LMO7: variants seen among roughly 807,000 people sequenced by gnomAD.
LMO7 encodes the protein LIM domain 7, also known as LIM domain only protein 7.
LMO7 carries 120 observed loss-of-function variants against 206.5 expected under a neutral mutation model. The observed-to-expected ratio is 0.58, with a 90% CI of 0.50 to 0.68. The LOEUF (loss-of-function observed/expected upper bound fraction) is 0.68. Ranked by LOEUF, LMO7 falls within the 30% of genes least tolerant of loss-of-function variation. The pLI is 0.00. For synonymous variants in LMO7, 706 were observed against 681.5 expected, an observed-to-expected ratio of 1.04 and a Z score of -0.56; for missense variants, 1,959 against 1,957.9, an observed-to-expected ratio of 1.00 and a Z score of -0.01.
At chr13:75,671,077 A>G (rs531388197) in intron 1 of LMO7, among the ~76,000 whole-genome samples, 17 of 149,118 alleles carry the variant, frequency 1.1e-4, no homozygotes, top group African/African-American at 3.7e-4. Context: ...ACTGTCTTCT[A>G]CCTCCACGTC....
intron 15 of LMO7, 82 bp downstream of exon 15, chr13:75,823,955 C>A: frequency 1.8e-6 from 2 of 1,129,618 alleles, no homozygotes; most frequent in South Asian, 1.4e-5. Context: ...AAATGTCAAA[C>A]CTCTAGGTGT....
intron 1 of LMO7, among the ~76,000 whole-genome samples, chr13:75,683,130 G>C (rs9544022): frequency 0.41 from 61,703 of 150,302 alleles, 13,851 homozygotes; most frequent in Middle Eastern, 0.51. Context: ...GTGATTTCAG[G>C]TCATTGCAAC....
At chr13:75,800,560 C>A (rs541484289) in intron 6 of LMO7, 124 bp from the exon 7 acceptor site, 4 of 802,946 alleles carry the variant, frequency 5.0e-6, no homozygotes, top group African/African-American at 1.7e-5. Flanking sequence ...GACAGAGAAA[C>A]CTCATGCCTT....
chr13:75,797,910 C>T (rs1391044300), intron 6 of LMO7, among the ~76,000 whole-genome samples: 1 of 151,530 alleles, frequency 6.6e-6, no homozygotes, highest in Non-Finnish European at 1.5e-5. Flanking sequence ...GGAAAACACT[C>T]ATGAGAGACT....
intron 3 of LMO7, chr13:75,760,503 C>A (rs2048070911): frequency 1.6e-6 from 2 of 1,286,486 alleles, no homozygotes; most frequent in Non-Finnish European, 2.0e-6. Flanking sequence ...TTCTTCCCTG[C>A]CAACAGTTTC....
intron 18 of LMO7, among the ~76,000 whole-genome samples, chr13:75,836,012 A>G (rs2059085469): frequency 6.6e-6 from 1 of 152,190 alleles, no homozygotes; most frequent in Non-Finnish European, 1.5e-5. Flanking sequence ...ATCTCAAGGT[A>G]TAACTCTTTT....
intron 14 of LMO7, among the ~76,000 whole-genome samples, chr13:75,823,275 C>A (rs1373247571): frequency 2.0e-5 from 3 of 152,084 alleles, no homozygotes; most frequent in African/African-American, 7.2e-5. Context: ...TCATTTTACG[C>A]CAGTTTAGAT....
intron 2 of LMO7, among the ~76,000 whole-genome samples, chr13:75,630,025 A>T (rs1204905269): frequency 2.0e-5 from 3 of 152,198 alleles, no homozygotes; most frequent in African/African-American, 7.2e-5. Flanking sequence ...ACAGATTCTC[A>T]AGTCCCTCAT....
chr13:75,744,442 A>G (rs184835141), intron 3 of LMO7, among the ~76,000 whole-genome samples: 1 of 152,338 alleles, frequency 6.6e-6, no homozygotes, highest in East Asian at 1.9e-4. Flanking sequence ...AATGAGTTAG[A>G]ATTACTAAAG....
chr13:75,858,034 T>A lies in LMO7; in HGVS notation c.*91T>A. 2.0e-6 allele frequency: 3 copies of A among 1,504,788 alleles called. No homozygotes were observed. Among genetic ancestry groups the A allele is most frequent in the Admixed American group, 4.2e-5 (2 of 47,746 alleles). 93.2% of individuals were successfully genotyped at this position (1,504,788 alleles called of 1,614,324 possible). ...TATAAATATGTGTTGTATGTCTTTT[T>A]TGCTTTTTTTTTAAAAAAAAGAATA... On this transcript the variant is annotated 3_prime_UTR_variant, in exon 31 of 31. Coordinates refer to ENST00000377534, the MANE Select transcript of LMO7 (RefSeq NM_001306080.2).
chr13:75,722,669 C>T (rs1279303185), intron 2 of LMO7, among the ~76,000 whole-genome samples: 1 of 152,002 alleles, frequency 6.6e-6, no homozygotes, highest in Non-Finnish European at 1.5e-5. Context: ...TACTAGGTAT[C>T]TACCAGAGGA....
intron 1 of LMO7, among the ~76,000 whole-genome samples, chr13:75,699,370 T>G (rs1311536477): frequency 2.0e-5 from 3 of 151,806 alleles, no homozygotes; most frequent in African/African-American, 7.3e-5. Flanking sequence ...AGCATGAATT[T>G]CTTTCTCTTT....
chr13:75,624,883 AC>A (rs1271359627), intron 2 of LMO7, among the ~76,000 whole-genome samples: 3 of 151,800 alleles, frequency 2.0e-5, no homozygotes, highest in African/African-American at 7.3e-5. Flanking sequence ...AACCATATCA[AC>A]ACTCTTAGAC....
chr13:75,646,420 T>G (rs1006221812), intron 1 of LMO7, among the ~76,000 whole-genome samples: 13 of 152,142 alleles, frequency 8.5e-5, no homozygotes, highest in African/African-American at 3.1e-4. Flanking sequence ...ACAATGGCTT[T>G]CCATTACATT....
intron 3 of LMO7, among the ~76,000 whole-genome samples, chr13:75,734,006 GCA>G (rs2045554606): frequency 6.6e-6 from 1 of 152,194 alleles, no homozygotes; most frequent in Admixed American, 6.5e-5. Context: ...CCCTCAGCCA[GCA>G]CACAGATCCT....
Position 75,713,210 on chromosome 13 carries a change from A to G in LMO7, c.98A>G (p.Lys33Arg). Reference protein sequence around the residue: ...EAVTEKNFETKDFRASLENGV... With the variant: ...EAVTEKNFETRDFRASLENGV... The stretch of plus-strand genomic sequence containing the variant: ...GTAACAGAGAAGAATTTTGAAACAA[A>G]AGATTTTCGAGCCTCTCTAGAAAAT... The change falls in exon 2 of 31, where the codon AAA (lysine) becomes AGA (arginine). Residue 33 changes from lysine (K) to arginine (R), a missense_variant. Physicochemically the swap from Lys to Arg is conservative, Grantham distance 26. Coordinates refer to ENST00000377534, the MANE Select transcript of LMO7 (RefSeq NM_001306080.2). 6.2e-7 allele frequency: 1 copy of G among 1,611,952 alleles called. No homozygotes were observed. The highest frequency in any genetic ancestry group is 8.5e-7 in the Non-Finnish European group (1 of 1,178,730).
chr13:75,786,518 G>T (rs913631096), intron 4 of LMO7, among the ~76,000 whole-genome samples: 1 of 151,966 alleles, frequency 6.6e-6, no homozygotes, highest in East Asian at 1.9e-4. Flanking sequence ...GGGACTACAG[G>T]CACCAGCCAC....
At chr13:75,817,723 G>T (rs1185452323) in intron 12 of LMO7, among the ~76,000 whole-genome samples, 1 of 152,130 alleles carries the variant, frequency 6.6e-6, no homozygotes, top group African/African-American at 2.4e-5. Context: ...TAATTAAGGA[G>T]AATTGGGGAG....
At chr13:75,627,232 TCAGTA>T (rs1391331760) in intron 2 of LMO7, 6 of 152,314 alleles carry the variant, frequency 3.9e-5, no homozygotes, top group African/African-American at 9.6e-5. Context: ...TCTTTCACTT[TCAGTA>T]CAGTAGTCAA....
Sources: gnomAD v4.1 joint callset for allele counts (sites outside exome capture counted in the v4.1 genomes callset) on GRCh38, gnomAD v4.1.1 for gene constraint, MANE v1.5 for transcripts, NCBI Gene and HGNC (gene_info 2026-07-23, HGNC 2026-07-21) for gene names.